The following TMCC2 variants were observed in gnomAD, a reference collection of about 807,000 sequenced individuals.
TMCC2 encodes transmembrane and coiled-coil domains protein 2.
A neutral mutation model predicts 49.4 loss-of-function variants in TMCC2; 16 were observed. That is an observed-to-expected ratio of 0.32 (90% CI 0.22 to 0.49). TMCC2 has a LOEUF of 0.49. Ranked by LOEUF, TMCC2 falls within the 20% of genes least tolerant of loss-of-function variation. The pLI is 0.99. For missense variants in TMCC2, 762 were observed against 989.8 expected (o/e 0.77, Z 3.09); for synonymous variants, 397 against 434.1 (o/e 0.91, Z 1.06).
intron 2 of TMCC2, among the ~76,000 whole-genome samples, chr1:205,242,734 G>A (rs1045297693): frequency 6.6e-6 from 1 of 152,244 alleles, no homozygotes; most frequent in African/African-American, 2.4e-5. Context: ...TGGACAGAGA[G>A]ATGGGAGCTG....
At chr1:205,239,822 A>G (rs1363797931) in intron 1 of TMCC2, among the ~76,000 whole-genome samples, 4 of 152,240 alleles carry the variant, frequency 2.6e-5, no homozygotes, top group Non-Finnish European at 5.9e-5. Flanking sequence ...CAGTTATTGT[A>G]TCCAGCTGTA....
In TMCC2 at chr1:205,271,819, G is replaced by T. The variant is rs150581410; in HGVS notation, c.1825G>T (p.Val609Leu). The T allele has an allele frequency of 5.6e-6, 9 of 1,609,950 alleles. No homozygotes were observed. The highest frequency in any genetic ancestry group is 7.6e-6 in the Non-Finnish European group (9 of 1,179,570). The part of the protein sequence containing the change: ...YERARDIQEA[V>L]ESCLTRVTKL... ...AGCCCCTCTGCCCCTGCAGGAGGCC[G>T]TGGAGTCCTGCCTGACCCGGGTCAC... The change falls in exon 5 of 5, where the codon GTG becomes TTG. Residue 609 changes from valine to leucine, a missense_variant. Physicochemically the swap from Val to Leu is conservative, Grantham distance 32. Around this residue, in one of 2 missense-constraint regions of TMCC2, gnomAD observed 440 missense variants for 636.7 expected, o/e 0.69. Transcript: ENST00000358024.
At chr1:205,270,542 G>A (rs1661547706) in intron 3 of TMCC2, among the ~76,000 whole-genome samples, 1 of 152,186 alleles carries the variant, frequency 6.6e-6, no homozygotes, top group African/African-American at 2.4e-5. Flanking sequence ...CTTGTGGGGG[G>A]ATCTTTTCCT....
chr1:205,228,047 G>A lies in TMCC2; in HGVS notation c.-518G>A, dbSNP rs537336763. 6.8e-6 allele frequency: 1 copy of A among 147,110 alleles called. No individual in the cohort carries two copies. The allele number at this position is 147,110 out of a possible 1,614,324, so 9.1% of individuals were successfully genotyped here. On this transcript the variant is annotated 5_prime_UTR_variant, in exon 1 of 5. Transcript: ENST00000358024. ...GGCCGGGGAGGGGGCCGGGCGCGCT[G>A]CGGGCTCCGCGGCCGGACCATGCGG...
chr1:205,242,767 G>A (rs1660321967), intron 2 of TMCC2, among the ~76,000 whole-genome samples: 1 of 152,166 alleles, frequency 6.6e-6, no homozygotes, highest in African/African-American at 2.4e-5. Flanking sequence ...CAAGGGAGAG[G>A]GGACTTGAGG....
intron 1 of TMCC2, among the ~76,000 whole-genome samples, chr1:205,230,838 C>CT (rs67858812): frequency 9.8e-4 from 148 of 150,542 alleles, no homozygotes; most frequent in Non-Finnish European, 1.8e-3. Context: ...TTCTTTCTTT[C>CT]TTTTTTTTTG....
At chr1:205,230,234 G>A in intron 1 of TMCC2, 1 of 904,152 alleles carries the variant, frequency 1.1e-6, no homozygotes, top group Non-Finnish European at 1.3e-6. Flanking sequence ...GAGTGAAAAG[G>A]GGGACGACTA....
intron 2 of TMCC2, among the ~76,000 whole-genome samples, chr1:205,242,561 T>C (rs527795303): frequency 2.6e-5 from 4 of 152,184 alleles, no homozygotes; most frequent in Non-Finnish European, 5.9e-5. Flanking sequence ...GAAGGGTGAT[T>C]TGGGAAGGAG....
chr1:205,234,590 G>C (rs547793275), intron 1 of TMCC2, among the ~76,000 whole-genome samples: 1 of 152,290 alleles, frequency 6.6e-6, no homozygotes, highest in East Asian at 1.9e-4. Context: ...AGGGTACTTA[G>C]AGCATCATGC....
chr1:205,248,339 G>A (rs1660535039), intron 2 of TMCC2, among the ~76,000 whole-genome samples: 1 of 152,124 alleles, frequency 6.6e-6, no homozygotes, highest in Non-Finnish European at 1.5e-5. Context: ...AGCCCACGAG[G>A]TTGAAGCTGC....
At position 205,268,940 on chromosome 1, in the gene TMCC2, C is replaced by G. The variant is rs535401651; in HGVS notation, c.748-10C>G. ...TTACCCATGCTTCCTCTGCCTGCCT[C>G]TTTCCCCAGGTCGATAAGGGAGACC... On this transcript the variant is annotated splice_polypyrimidine_tract_variant and intron_variant, in intron 2 of 4. Transcript: ENST00000358024. 122 of 1,610,446 alleles carry G rather than the reference C, an allele frequency of 7.6e-5. No individual in the cohort carries two copies. The highest frequency in any genetic ancestry group is 4.9e-4 in the Middle Eastern group (3 of 6,080).
intron 2 of TMCC2, chr1:205,267,985 G>A (rs903972630): frequency 6.1e-6 from 6 of 985,250 alleles, no homozygotes; most frequent in Admixed American, 6.2e-5. Context: ...CCCAATTCTC[G>A]GATACTAGGA....
intron 2 of TMCC2, among the ~76,000 whole-genome samples, chr1:205,256,638 G>A (rs1485201397): frequency 1.3e-5 from 2 of 152,202 alleles, no homozygotes; most frequent in Admixed American, 6.5e-5. Context: ...GGAAGTGATG[G>A]TGCCTTAAGC....
chr1:205,270,540 G>T (rs930274594), intron 3 of TMCC2, among the ~76,000 whole-genome samples: 2 of 152,152 alleles, frequency 1.3e-5, no homozygotes, highest in Admixed American at 6.5e-5. Context: ...GGCTTGTGGG[G>T]GGATCTTTTC....
intron 2 of TMCC2, among the ~76,000 whole-genome samples, chr1:205,245,023 G>A (rs1242044931): frequency 6.6e-6 from 1 of 152,170 alleles, no homozygotes; most frequent in African/African-American, 2.4e-5. Context: ...AGAGCTGAGA[G>A]GCTAGGTTGT....
At chr1:205,256,325 C>T in intron 2 of TMCC2, 3 of 1,550,314 alleles carry the variant, frequency 1.9e-6, no homozygotes, top group Non-Finnish European at 2.6e-6. Flanking sequence ...GCTCATTGTC[C>T]TCAGCTGTGG....
chr1:205,256,305 A>G, intron 2 of TMCC2: 1 of 1,549,306 alleles, frequency 6.5e-7, no homozygotes, highest in South Asian at 1.2e-5. Context: ...AGCCGGTGAC[A>G]CTGCTCACTG....
rs910119791 is a variant in TMCC2, at chr1:205,248,617, G to A, written c.747+6573G>A. Among the ~76,000 whole-genome samples, 17 of 152,122 alleles carry A rather than the reference G, an allele frequency of 1.1e-4. No homozygotes were observed. In the South Asian group the frequency reaches 1.2e-3, roughly 11 times the overall value. On this transcript the variant is annotated intron_variant, in intron 2 of 4. Coordinates refer to ENST00000358024, the MANE Select transcript of TMCC2 (RefSeq NM_014858.4). ...TTAACCTCTGGGAGGCACAAGCCCC[G>A]GGGACTAGAAAGGGAACCACTGGTT...
At chr1:205,266,578 G>A (rs1661342909) in intron 2 of TMCC2, among the ~76,000 whole-genome samples, 1 of 144,090 alleles carries the variant, frequency 6.9e-6, no homozygotes, top group African/African-American at 2.5e-5. Flanking sequence ...GGGCGACAGA[G>A]ACCCCGTCTC....
Sources: gnomAD v4.1 joint callset for allele counts (sites outside exome capture counted in the v4.1 genomes callset) on GRCh38, gnomAD v4.1.1 for gene constraint, gnomAD v4.1.1 regional missense constraint, MANE v1.5 for transcripts, NCBI Gene and HGNC (gene_info 2026-07-23, HGNC 2026-07-21) for gene names.